Variants in RANBP2 observed in about 807,000 individuals in gnomAD.
RANBP2 encodes E3 SUMO-protein ligase RanBP2.
RANBP2 carries 57 observed loss-of-function variants against 303.6 expected under a neutral mutation model. The observed-to-expected ratio is 0.19, with a 90% CI of 0.15 to 0.23. The LOEUF (loss-of-function observed/expected upper bound fraction) is 0.23, where lower values mean the gene tolerates loss of function less well. RANBP2 is among the 10% of genes least tolerant of loss of function. RANBP2 has a pLI of 1.00. For synonymous variants in RANBP2, 1,167 were observed against 1,301.5 expected, an observed-to-expected ratio of 0.90 and a Z score of 2.23; for missense variants, 3,138 against 3,780.8, an observed-to-expected ratio of 0.83 and a Z score of 4.46.
At chr2:108,756,905 A>G (rs1676361218) in intron 17 of RANBP2, among the ~76,000 whole-genome samples, 6 of 152,244 alleles carry the variant, frequency 3.9e-5, no homozygotes, top group Admixed American at 3.3e-4. Context: ...TTTCTAGGTG[A>G]TTCCACTAGT....
chr2:109,472,509 G>A, the RANBP2 span, among the ~76,000 whole-genome samples: 1 of 152,228 alleles, frequency 6.6e-6, no homozygotes, highest in African/African-American at 2.4e-5. Context: ...GGAAAGAAGA[G>A]CTTTGATTTA....
chr2:109,457,688 C>G, the RANBP2 span, among the ~76,000 whole-genome samples: 1 of 152,266 alleles, frequency 6.6e-6, no homozygotes, highest in Non-Finnish European at 1.5e-5. Flanking sequence ...CAAAATTCTA[C>G]TGCTGTGACT....
the RANBP2 span, among the ~76,000 whole-genome samples, chr2:109,111,752 A>AG: frequency 6.6e-6 from 1 of 150,694 alleles, no homozygotes; most frequent in Non-Finnish European, 1.5e-5. Flanking sequence ...ATTTAGCATT[A>AG]GGTATATCTC....
chr2:108,853,890 A>ATAT, the RANBP2 span, among the ~76,000 whole-genome samples: 27 of 123,882 alleles, frequency 2.2e-4, no homozygotes, highest in African/African-American at 8.6e-4. Context: ...TATATTATAT[A>ATAT]GTATATATAT....
the RANBP2 span, among the ~76,000 whole-genome samples, chr2:109,387,288 C>T: frequency 6.6e-6 from 1 of 152,202 alleles, no homozygotes; most frequent in South Asian, 2.1e-4. Flanking sequence ...AACCTTTTCT[C>T]AGCGCCAGGG....
the RANBP2 span, among the ~76,000 whole-genome samples, chr2:109,141,206 A>G: frequency 6.6e-6 from 1 of 152,088 alleles, no homozygotes; most frequent in Non-Finnish European, 1.5e-5. Context: ...TTCTGGCTCC[A>G]TTTTTATTTG....
At chr2:109,117,111 C>T in the RANBP2 span, among the ~76,000 whole-genome samples, 5 of 152,244 alleles carry the variant, frequency 3.3e-5, no homozygotes, top group Admixed American at 1.3e-4. Context: ...AGGCAGTCTG[C>T]CCGTTCTCAG....
chr2:109,423,957 C>A, the RANBP2 span, among the ~76,000 whole-genome samples: 1 of 151,966 alleles, frequency 6.6e-6, no homozygotes, highest in Non-Finnish European at 1.5e-5. Flanking sequence ...GAGAGAGTCT[C>A]TGGATGACAT....
chr2:108,854,231 G>T, the RANBP2 span, among the ~76,000 whole-genome samples: 1 of 150,204 alleles, frequency 6.7e-6, no homozygotes, highest in African/African-American at 2.4e-5. Flanking sequence ...TTATACTTTA[G>T]GTCTAGAGAA....
chr2:108,849,182 GA>G, the RANBP2 span, among the ~76,000 whole-genome samples: 7 of 151,824 alleles, frequency 4.6e-5, no homozygotes, highest in East Asian at 1.4e-3. Context: ...ATTACACAGA[GA>G]AAAAAAATCT....
At chr2:109,170,693 GGTT>G in the RANBP2 span, among the ~76,000 whole-genome samples, 1 of 152,148 alleles carries the variant, frequency 6.6e-6, no homozygotes, top group Admixed American at 6.6e-5. Flanking sequence ...CACAGTCTGA[GGTT>G]GTTATTTGTT....
the RANBP2 span, among the ~76,000 whole-genome samples, chr2:109,371,976 C>A: frequency 6.6e-6 from 1 of 152,176 alleles, no homozygotes; most frequent in Non-Finnish European, 1.5e-5. Context: ...TCTCAAGGGA[C>A]CCCTGCGCCT....
At chr2:109,739,979 A>ATTTTC in the RANBP2 span, among the ~76,000 whole-genome samples, 27 of 148,324 alleles carry the variant, frequency 1.8e-4, no homozygotes, top group Non-Finnish European at 3.3e-4. Context: ...GGGGCATAAC[A>ATTTTC]TTTTCTTTTC....
chr2:109,123,253 C>G, the RANBP2 span, among the ~76,000 whole-genome samples: 1 of 152,154 alleles, frequency 6.6e-6, no homozygotes, highest in Non-Finnish European at 1.5e-5. Context: ...TCTCACCACC[C>G]TCTTTTGCTC....
the RANBP2 span, among the ~76,000 whole-genome samples, chr2:109,048,654 C>CT: frequency 0.89 from 135,842 of 152,010 alleles, 61,195 homozygotes; most frequent in East Asian, 0.97. Flanking sequence ...TAAAATCAAT[C>CT]TTTTTTTGGA....
the RANBP2 span, among the ~76,000 whole-genome samples, chr2:109,652,253 C>A: frequency 1.3e-5 from 2 of 150,376 alleles, no homozygotes; most frequent in Non-Finnish European, 2.9e-5. Flanking sequence ...GACGGAGTCT[C>A]GCTCTGTCAC....
the RANBP2 span, among the ~76,000 whole-genome samples, chr2:109,139,850 A>G: frequency 6.6e-6 from 1 of 152,224 alleles, no homozygotes; most frequent in Non-Finnish European, 1.5e-5. Flanking sequence ...ATTGCTTGGC[A>G]GTTTGACATC....
chr2:109,035,417 A>G, the RANBP2 span, among the ~76,000 whole-genome samples: 1 of 152,084 alleles, frequency 6.6e-6, no homozygotes, highest in African/African-American at 2.4e-5. Flanking sequence ...GAAGGAAGAA[A>G]AAAAGCCTAG....
the RANBP2 span, among the ~76,000 whole-genome samples, chr2:109,632,044 C>CA: frequency 1.3e-5 from 2 of 151,990 alleles, no homozygotes; most frequent in African/African-American, 4.8e-5. Context: ...ATCACAGGTT[C>CA]AGTAGTTTAA....
Sources: allele counts gnomAD v4.1 joint callset (sites outside exome capture counted in the v4.1 genomes callset), GRCh38; gene constraint gnomAD v4.1.1; transcripts MANE v1.5; gene names NCBI Gene and HGNC (gene_info 2026-07-23, HGNC 2026-07-21).